Variants in VPS29 observed in about 807,000 individuals in gnomAD.
The protein encoded by VPS29 is vacuolar protein sorting-associated protein 29.
In VPS29, 2 loss-of-function variants were observed where a neutral mutation model predicts 20.0. The observed-to-expected ratio is 0.10, with a 90% confidence interval of 0.04 to 0.31. VPS29 has a LOEUF of 0.31. Among genes scored for constraint, VPS29 ranks in the 10% least tolerant of loss-of-function variants. The probability of loss-of-function intolerance (pLI) is 1.00; values close to 1 mark genes in which losing one functional copy is unlikely to be tolerated. For missense variants in VPS29, 120 were observed against 215.3 expected, an observed-to-expected ratio of 0.56 and a Z score of 2.77; for synonymous variants, 81 against 79.3, an observed-to-expected ratio of 1.02 and a Z score of -0.12.
intron 1 of VPS29, chr12:110,498,839 C>G (rs1172523329): frequency 6.1e-6 from 6 of 984,316 alleles, no homozygotes; most frequent in Admixed American, 6.2e-5. Flanking sequence ...GAACAATCTT[C>G]ATTTTAGAGG....
Position 110,496,079 on chromosome 12 carries a change from T to G in VPS29, c.128A>C (p.Lys43Thr). 6.2e-7 allele frequency: 1 copy of G among 1,613,598 alleles called. No individual in the cohort carries two copies. ...HILCTGNLCT[K>T]ESYDYLKTLA... Reference sequence around the variant, plus strand: ...AGTCTTGAGATAGTCATAACTCTCTTTGGTGCAAAGGTTTCCTGTGCAGAG... The same window carrying G: ...AGTCTTGAGATAGTCATAACTCTCTGTGGTGCAAAGGTTTCCTGTGCAGAG... The change falls in exon 2 of 4, where the codon AAA (lysine) becomes ACA (threonine). Residue 43 changes from lysine (K) to threonine (T), a missense_variant. Lys to Thr is a moderately conservative substitution (Grantham distance 78, BLOSUM62 -1). Transcript: ENST00000549578.
At chr12:110,501,567 G>T in intron 1 of VPS29, 1 of 1,535,266 alleles carries the variant, frequency 6.5e-7, no homozygotes, top group African/African-American at 1.4e-5. Flanking sequence ...TCCCTAGATG[G>T]CAAAGTTAAA....
intron 1 of VPS29, chr12:110,498,722 A>G: frequency 2.3e-6 from 1 of 433,714 alleles, no homozygotes; most frequent in South Asian, 9.7e-5. Flanking sequence ...TATGACCTAT[A>G]TTAATTGTTT....
Position 110,491,948 on chromosome 12 carries a change from A to G in VPS29, c.*57T>C, listed in dbSNP as rs545506682. 1.1e-4 allele frequency: 132 copies of G among 1,246,018 alleles called. 1 individual carries two copies. The South Asian group carries it at 1.6e-3, about 15-fold the overall frequency. 77.2% of individuals were successfully genotyped at this position (1,246,018 alleles called of 1,614,324 possible). ...TTTTGTGGCTCTTAAATGTTTAATT[A>G]CTTGATTTCAACAGGACAATGAAAA... On this transcript the variant is annotated 3_prime_UTR_variant, in exon 4 of 4. Transcript: ENST00000549578.
At chr12:110,495,940 C>A in intron 2 of VPS29, 72 bp downstream of exon 2, 1 of 1,344,964 alleles carries the variant, frequency 7.4e-7, no homozygotes, top group East Asian at 2.4e-5. Flanking sequence ...AAACCCTGGT[C>A]TAAAGATAAA....
intron 1 of VPS29, among the ~76,000 whole-genome samples, chr12:110,500,299 C>A (rs1024559324): frequency 6.6e-6 from 1 of 152,160 alleles, no homozygotes; most frequent in African/African-American, 2.4e-5. Context: ...CTGGCTAATG[C>A]TAAATTTTTC....
At chr12:110,495,851 G>C (rs1235124255) in intron 2 of VPS29, among the ~76,000 whole-genome samples, 161 bp downstream of exon 2, 1 of 151,296 alleles carries the variant, frequency 6.6e-6, no homozygotes, top group Non-Finnish European at 1.5e-5. Context: ...TTTTCAAATA[G>C]TAAGGGAGGG....
intron 1 of VPS29, chr12:110,498,987 A>C (rs2062951178): frequency 4.1e-6 from 1 of 243,938 alleles, no homozygotes; most frequent in Non-Finnish European, 6.6e-6. Context: ...AACTCATAAA[A>C]GGGTATATGT....
At chr12:110,496,851 A>C (rs1188630426) in intron 1 of VPS29, 1 of 152,236 alleles carries the variant, frequency 6.6e-6, no homozygotes, top group African/African-American at 2.4e-5. Flanking sequence ...CGTTACAGAG[A>C]TATACAACAG....
chr12:110,494,388 G>A (rs909700181), intron 2 of VPS29, among the ~76,000 whole-genome samples: 1 of 151,062 alleles, frequency 6.6e-6, no homozygotes, highest in South Asian at 2.1e-4. Flanking sequence ...GAGTAGCTGG[G>A]ACTACAGGCG....
In VPS29 at chr12:110,501,923, G is replaced by T. The variant is rs1481810232; in HGVS notation, c.3+126C>A. On this transcript the variant is annotated intron_variant, in intron 1 of 3. Transcript: ENST00000549578. ...TCTTCTGGGCCTTTCCCAGGCCAGC[G>T]CCTGGGCCCTGACGCCGAGGCCTCC... 8.8e-6 allele frequency: 14 copies of T among 1,592,102 alleles called. No individual in the cohort carries two copies. The East Asian group carries it at 3.2e-4, about 36-fold the overall frequency.
chr12:110,494,851 C>G (rs1376986407), intron 2 of VPS29, among the ~76,000 whole-genome samples: 1 of 152,136 alleles, frequency 6.6e-6, no homozygotes, highest in Non-Finnish European at 1.5e-5. Flanking sequence ...TCCCAAGTAG[C>G]TGGGACGACA....
chr12:110,495,758 A>C (rs1389559399), intron 2 of VPS29, among the ~76,000 whole-genome samples: 1 of 152,144 alleles, frequency 6.6e-6, no homozygotes, highest in African/African-American at 2.4e-5. Flanking sequence ...CGACAGCATA[A>C]AACAGTAACA....
chr12:110,497,207 C>CTTT lies in VPS29; in HGVS notation c.4-1007_4-1005dup, dbSNP rs71083128. On this transcript the variant is annotated intron_variant, in intron 1 of 3. Transcript: ENST00000549578. ...AAAATTTTAATTTAAAAATTTCTTT[C>CTTT]TTTTTTTTTTTTTTTTTTTTTTTTT... Among the ~76,000 whole-genome samples the CTTT allele has an allele frequency of 1.2e-3, 91 of 77,202 alleles. 4 individuals carry two copies. Among genetic ancestry groups the CTTT allele is most frequent in the African/African-American group, 2.1e-3 (41 of 19,288 alleles). The allele number at this position is 77,202 out of a possible 152,430, so 50.6% of individuals were successfully genotyped here. A position where few individuals can be genotyped will look rare whatever the true frequency, so the allele number is the denominator to read the frequency against.
chr12:110,499,436 G>T, intron 1 of VPS29: 1 of 1,530,538 alleles, frequency 6.5e-7, no homozygotes. Context: ...ATGGGAATTC[G>T]GTTACTTCCT....
intron 1 of VPS29, among the ~76,000 whole-genome samples, chr12:110,501,145 T>A (rs1341893095): frequency 6.6e-6 from 1 of 152,070 alleles, no homozygotes; most frequent in Non-Finnish European, 1.5e-5. Flanking sequence ...GGCATTGCAC[T>A]CCAGCCTGGG....
At chr12:110,501,363 C>G in intron 1 of VPS29, 1 of 1,534,232 alleles carries the variant, frequency 6.5e-7, no homozygotes, top group South Asian at 1.2e-5. Flanking sequence ...TGTGTATATT[C>G]ACAAAAATTT....
intron 1 of VPS29, among the ~76,000 whole-genome samples, chr12:110,500,376 C>T (rs2062987636): frequency 6.6e-6 from 1 of 152,172 alleles, no homozygotes; most frequent in South Asian, 2.1e-4. Flanking sequence ...GATCACTTCT[C>T]AAACAACTTG....
At chr12:110,499,975 T>G (rs2062975332) in intron 1 of VPS29, among the ~76,000 whole-genome samples, 1 of 152,222 alleles carries the variant, frequency 6.6e-6, no homozygotes, top group African/African-American at 2.4e-5. Flanking sequence ...GCTAACATTT[T>G]CTGGATTCTT....
Sources: allele counts gnomAD v4.1 joint callset (sites outside exome capture counted in the v4.1 genomes callset), GRCh38; gene constraint gnomAD v4.1.1; transcripts MANE v1.5; gene names NCBI Gene and HGNC (gene_info 2026-07-23, HGNC 2026-07-21).